Variants in RTN3 observed in about 807,000 individuals in gnomAD.
The protein encoded by RTN3 is reticulon-3.
A neutral mutation model predicts 77.8 loss-of-function variants in RTN3; 49 were observed. The ratio of observed to expected loss-of-function variants is 0.63; its 90% CI spans 0.50 to 0.80. The LOEUF is 0.80. Ranked by LOEUF, RTN3 falls within the 30% of genes least tolerant of loss-of-function variation. The pLI is 0.00. For synonymous variants in RTN3, 464 were observed against 446.9 expected (o/e 1.04, Z -0.48); for missense variants, 1,236 against 1,211.9 (o/e 1.02, Z -0.29).
At chr11:63,751,175 T>TA (rs2014087017) in intron 4 of RTN3, among the ~76,000 whole-genome samples, 1 of 152,222 alleles carries the variant, frequency 6.6e-6, no homozygotes, top group Admixed American at 6.5e-5. Flanking sequence ...CCGGCAACTC[T>TA]AAATTCTTGA....
At chr11:63,714,932 T>G (rs568628740) in intron 2 of RTN3, among the ~76,000 whole-genome samples, 2 of 152,168 alleles carry the variant, frequency 1.3e-5, no homozygotes, top group Non-Finnish European at 2.9e-5. Flanking sequence ...TACACCTAAC[T>G]TGAAACTTTT....
intron 7 of RTN3, 40 bp downstream of exon 7, chr11:63,753,748 TG>T: frequency 1.9e-6 from 3 of 1,545,408 alleles, no homozygotes; most frequent in Non-Finnish European, 2.7e-6. Context: ...TGCCAGTTGA[TG>T]TATGACTAGT....
At chr11:63,689,240 G>A (rs1941530447) in intron 1 of RTN3, among the ~76,000 whole-genome samples, 1 of 152,068 alleles carries the variant, frequency 6.6e-6, no homozygotes, top group Non-Finnish European at 1.5e-5. Flanking sequence ...AAACTTTTTA[G>A]ACAAAAATTA....
chr11:63,713,914 A>C, intron 2 of RTN3: 1 of 464,786 alleles, frequency 2.2e-6, no homozygotes, highest in Middle Eastern at 3.3e-4. Flanking sequence ...TACAGTGTAT[A>C]GTATTTTAAG....
rs750046999 is a variant in RTN3, at chr11:63,753,720, T to G, written c.2994+12T>G. The G allele has an allele frequency of 7.4e-6, 12 of 1,611,770 alleles. No individual in the cohort carries two copies. The highest frequency in any genetic ancestry group is 9.3e-6 in the Non-Finnish European group (11 of 1,178,106). On this transcript the variant is annotated intron_variant, in intron 7 of 8. Coordinates refer to ENST00000377819, the MANE Select transcript of RTN3 (RefSeq NM_001265589.2). ...ATGAGAAGTACAAGGTAAGCATTTA[T>G]CTGTTCCAAATCAAATGTGCCAGTT...
chr11:63,758,127 C>A (rs1306350800), intron 8 of RTN3, 29 bp from the exon 9 acceptor site: 7 of 1,470,542 alleles, frequency 4.8e-6, no homozygotes, highest in African/African-American at 1.4e-5. Flanking sequence ...TTTTCACTTT[C>A]TTTCTTTTTC....
At chr11:63,726,634 G>A (rs1170207730) in intron 3 of RTN3, among the ~76,000 whole-genome samples, 2 of 152,120 alleles carry the variant, frequency 1.3e-5, no homozygotes, top group African/African-American at 2.4e-5. Flanking sequence ...AGGCCAAGGC[G>A]GGTGGATCAC....
At position 63,745,115 on chromosome 11, in the gene RTN3, C is replaced by T. The variant is rs59866692; in HGVS notation, c.2531-4876C>T. On this transcript the variant is annotated intron_variant, in intron 3 of 8. Coordinates refer to ENST00000377819, the MANE Select transcript of RTN3 (RefSeq NM_001265589.2). The stretch of plus-strand genomic sequence containing the variant: ...AACTATTGGCAACTGCCTCATTTCT[C>T]ACTTTTTCTTCATATTTTTCATCCT... Among the ~76,000 whole-genome samples, 832 of 152,338 alleles carry T rather than the reference C, an allele frequency of 5.5e-3. 23 individuals carry two copies. In the East Asian group the frequency reaches 0.094, roughly 17 times the overall value.
chr11:63,720,114 GAAATC>G lies in RTN3; in HGVS notation c.1616_1620del (p.Ile539ArgfsTer6), dbSNP rs1410727653. 1.4e-5 allele frequency: 23 copies of G among 1,612,904 alleles called. No individual in the cohort carries two copies. Among genetic ancestry groups the G allele is most frequent in the Non-Finnish European group, 1.9e-5 (22 of 1,179,748 alleles). On this transcript the variant is annotated frameshift_variant, in exon 3 of 9. Coordinates refer to ENST00000377819, the MANE Select transcript of RTN3 (RefSeq NM_001265589.2). LOFTEE classifies it high-confidence loss of function. ...TGCTGTTGTAAAAACAGGTGAAAGA[GAAATC>G]AAAGAGATTCCCAGTTGTGAGAGAG...
At chr11:63,729,583 A>G (rs1368972480) in intron 3 of RTN3, among the ~76,000 whole-genome samples, 1 of 150,890 alleles carries the variant, frequency 6.6e-6, no homozygotes, top group Non-Finnish European at 1.5e-5. Context: ...TCAGCCTCCC[A>G]TGTACCTGGG....
chr11:63,696,543 ATT>A (rs71039663), intron 1 of RTN3, among the ~76,000 whole-genome samples: 170 of 118,344 alleles, frequency 1.4e-3, no homozygotes, highest in African/African-American at 5.3e-3. Context: ...CCCTGTCACT[ATT>A]TTTTTTTTTT....
intron 3 of RTN3, among the ~76,000 whole-genome samples, chr11:63,735,595 TCTC>T (rs1391370616): frequency 6.7e-6 from 1 of 149,160 alleles, no homozygotes; most frequent in Non-Finnish European, 1.5e-5. Flanking sequence ...TCTCTCTCTC[TCTC>T]TCTTTCTTTC....
rs2011666982 is a variant in RTN3 at position 63,720,314 on chromosome 11, TACTAC to T, written c.1813_1817del (p.Thr605Ter). ...GTGAAGTTGCTCCTGAAAAGCCTAT[TACTAC>T]TGAGAACCCCAAACTTCCTTCAACA... On this transcript the variant is annotated frameshift_variant, in exon 3 of 9. Coordinates refer to ENST00000377819, the MANE Select transcript of RTN3 (RefSeq NM_001265589.2). LOFTEE classifies it high-confidence loss of function. 1 of 1,613,682 alleles carries T rather than the reference TACTAC, an allele frequency of 6.2e-7. No individual in the cohort carries two copies. The highest frequency in any genetic ancestry group is 1.3e-5 in the African/African-American group (1 of 74,902).
In RTN3 at chr11:63,753,691, G is replaced by A; in HGVS notation, c.2977G>A (p.Val993Ile). 1.9e-6 allele frequency: 3 copies of A among 1,613,748 alleles called. No homozygotes were observed. The highest frequency in any genetic ancestry group is 2.5e-6 in the Non-Finnish European group (3 of 1,179,724). The change falls in exon 7 of 9, where the codon GTC becomes ATC. Residue 993 changes from valine to isoleucine, a missense_variant. By Grantham distance (29) the Val-to-Ile change is conservative. Around this residue, in one of 3 missense-constraint regions of RTN3, gnomAD observed 141 missense variants for 154.9 expected, o/e 0.91. Coordinates refer to ENST00000377819, the MANE Select transcript of RTN3 (RefSeq NM_001265589.2). ...ACTGCTCATTTTCAGTGTCCCGATTGTCTATGAGAAGTACAAGGTAAGCAT... is the reference window on the plus strand; with the variant it reads ...ACTGCTCATTTTCAGTGTCCCGATTATCTATGAGAAGTACAAGGTAAGCAT... ...AELLIFSVPI[V>I]YEKYKTQIDH... is the part of the protein sequence containing the mutation.
At chr11:63,681,930 A>G (rs1941076563) in intron 1 of RTN3, 152 bp downstream of exon 1, 2 of 789,684 alleles carry the variant, frequency 2.5e-6, no homozygotes, top group Admixed American at 3.2e-5. Context: ...AAAATGGGCA[A>G]AGGGGAAGGG....
intron 2 of RTN3, among the ~76,000 whole-genome samples, chr11:63,717,253 G>A (rs895513811): frequency 1.3e-5 from 2 of 152,024 alleles, no homozygotes; most frequent in African/African-American, 4.8e-5. Flanking sequence ...ATTTGTTAGA[G>A]TGGGAAGTTA....
chr11:63,682,017 T>C (rs780516518), intron 1 of RTN3, among the ~76,000 whole-genome samples: 1 of 152,130 alleles, frequency 6.6e-6, no homozygotes, highest in African/African-American at 2.4e-5. Flanking sequence ...GATAGTCCAG[T>C]GGGCGTTAAC....
rs1334831815 is a variant in RTN3, at chr11:63,753,630, C to T, written c.2948-32C>T. 3.7e-6 allele frequency: 6 copies of T among 1,602,964 alleles called. No homozygotes were observed. In the South Asian group the frequency reaches 6.6e-5, roughly 18 times the overall value. On this transcript the variant is annotated intron_variant, in intron 6 of 8. Coordinates refer to ENST00000377819, the MANE Select transcript of RTN3 (RefSeq NM_001265589.2). ...TTAAGATGTGACTGTCTCTCATATA[C>T]ACTTGCCATGTCCCATGATTCTGTC...
intron 2 of RTN3, chr11:63,714,147 A>T (rs1590822168): frequency 4.6e-6 from 2 of 433,160 alleles, no homozygotes; most frequent in African/African-American, 2.0e-5. Flanking sequence ...GTCTTGGTAC[A>T]GGTCAGCTGT....
Sources: gnomAD v4.1 joint callset for allele counts (sites outside exome capture counted in the v4.1 genomes callset) on GRCh38, gnomAD v4.1.1 for gene constraint, gnomAD v4.1.1 regional missense constraint, MANE v1.5 for transcripts, NCBI Gene and HGNC (gene_info 2026-07-23, HGNC 2026-07-21) for gene names.